ANKRD31: variants seen among roughly 807,000 people sequenced by gnomAD.
ANKRD31 encodes the protein ankyrin repeat domain-containing protein 31.
Under a neutral mutation model 186.0 loss-of-function variants are expected in ANKRD31, and 147 were observed. The ratio of observed to expected loss-of-function variants is 0.79; its 90% CI spans 0.69 to 0.91. The LOEUF (loss-of-function observed/expected upper bound fraction) is 0.91. ANKRD31 is among the 40% of genes least tolerant of loss of function. The pLI is 0.00. For missense variants in ANKRD31, 1,986 were observed against 2,148.8 expected (o/e 0.92, Z 1.50); for synonymous variants, 673 against 736.4 (o/e 0.91, Z 1.39).
At chr5:75,174,430 G>A (rs1332732753) in intron 10 of ANKRD31, among the ~76,000 whole-genome samples, 1 of 151,166 alleles carries the variant, frequency 6.6e-6, no homozygotes, top group Non-Finnish European at 1.5e-5. Flanking sequence ...TACCATCAGA[G>A]TGAACAGTGA....
chr5:75,230,244 T>C (rs1757869891), intron 2 of ANKRD31, among the ~76,000 whole-genome samples: 2 of 152,182 alleles, frequency 1.3e-5, no homozygotes, highest in African/African-American at 4.8e-5. Flanking sequence ...CACTCAACCC[T>C]GAAGTGGAAT....
At chr5:75,134,194 A>G (rs57060629) in intron 17 of ANKRD31, among the ~76,000 whole-genome samples, 1 of 152,150 alleles carries the variant, frequency 6.6e-6, no homozygotes, top group African/African-American at 2.4e-5. Context: ...TAGAGACACA[A>G]AAAACCCTTC....
chr5:75,076,378 A>ACAGAACT (rs1436609810), intron 25 of ANKRD31, among the ~76,000 whole-genome samples: 1 of 152,144 alleles, frequency 6.6e-6, no homozygotes, highest in Admixed American at 6.5e-5. Context: ...AGAATGACTC[A>ACAGAACT]CAGAACTCAG....
intron 4 of ANKRD31, among the ~76,000 whole-genome samples, chr5:75,209,584 C>T (rs1051245307): frequency 6.6e-6 from 1 of 151,940 alleles, no homozygotes; most frequent in Non-Finnish European, 1.5e-5. Context: ...GGCTGAGGCA[C>T]AAGAATTGCT....
intron 22 of ANKRD31, among the ~76,000 whole-genome samples, chr5:75,095,185 C>A (rs1219972041): frequency 2.0e-5 from 3 of 151,992 alleles, no homozygotes; most frequent in Admixed American, 6.6e-5. Context: ...ATAAAAAATT[C>A]TTGGCCGGGC....
intron 17 of ANKRD31, among the ~76,000 whole-genome samples, chr5:75,135,019 AAAT>A (rs1750445244): frequency 6.6e-6 from 1 of 152,172 alleles, no homozygotes; most frequent in Admixed American, 6.5e-5. Flanking sequence ...ACGTATCTCA[AAAT>A]AATAAGAGCT....
intron 22 of ANKRD31, among the ~76,000 whole-genome samples, chr5:75,094,821 T>C (rs182780648): frequency 4.3e-4 from 65 of 151,968 alleles, no homozygotes; most frequent in Middle Eastern, 3.4e-3. Flanking sequence ...GACAAGTAAA[T>C]TTAAAGTAAG....
At chr5:75,105,933 C>T (rs909745939) in intron 21 of ANKRD31, among the ~76,000 whole-genome samples, 5 of 152,008 alleles carry the variant, frequency 3.3e-5, no homozygotes, top group African/African-American at 1.2e-4. Flanking sequence ...TTGATTATGC[C>T]CACCAATCCC....
intron 10 of ANKRD31, among the ~76,000 whole-genome samples, chr5:75,185,878 T>C (rs183667506): frequency 6.6e-6 from 1 of 151,836 alleles, no homozygotes; most frequent in African/African-American, 2.4e-5. Context: ...CCATTAAAAG[T>C]AAAAAATGGT....
At chr5:75,139,999 G>T (rs963816959) in intron 15 of ANKRD31, among the ~76,000 whole-genome samples, 1 of 151,900 alleles carries the variant, frequency 6.6e-6, no homozygotes, top group African/African-American at 2.4e-5. Context: ...ACTGCATCAG[G>T]GCCAGGCACG....
chr5:75,173,187 GC>G (rs1459240816), intron 10 of ANKRD31, among the ~76,000 whole-genome samples: 1 of 152,018 alleles, frequency 6.6e-6, no homozygotes, highest in Non-Finnish European at 1.5e-5. Flanking sequence ...AAATTCAACA[GC>G]CCTTCATGCT....
intron 3 of ANKRD31, among the ~76,000 whole-genome samples, chr5:75,221,910 A>C (rs1757327474): frequency 6.6e-6 from 1 of 152,206 alleles, no homozygotes. Flanking sequence ...TGTATTGACT[A>C]TCAATAAGGC....
intron 7 of ANKRD31, among the ~76,000 whole-genome samples, chr5:75,194,288 T>C (rs1204289801): frequency 6.6e-6 from 1 of 152,154 alleles, no homozygotes; most frequent in Admixed American, 6.6e-5. Context: ...GGGTTTATTT[T>C]TTTTCCTTTC....
intron 1 of ANKRD31, among the ~76,000 whole-genome samples, chr5:75,233,237 AT>A (rs1299923387): frequency 4.0e-5 from 6 of 151,548 alleles, no homozygotes; most frequent in Non-Finnish European, 5.9e-5. Context: ...TAATTTTTGT[AT>A]TTTTAATAGA....
At chr5:75,190,767 A>G (rs1451562205) in intron 9 of ANKRD31, among the ~76,000 whole-genome samples, 2 of 152,038 alleles carry the variant, frequency 1.3e-5, no homozygotes. Context: ...TATTTAATGT[A>G]TACAATTCAA....
chr5:75,143,714 C>T (rs778968865), intron 15 of ANKRD31, among the ~76,000 whole-genome samples: 28 of 152,216 alleles, frequency 1.8e-4, no homozygotes, highest in Non-Finnish European at 2.8e-4. Context: ...ATACATTTCA[C>T]GCCTGCTGTC....
At chr5:75,192,469 T>G (rs1050630470) in intron 9 of ANKRD31, among the ~76,000 whole-genome samples, 198 bp downstream of exon 9, 1 of 152,164 alleles carries the variant, frequency 6.6e-6, no homozygotes, top group Non-Finnish European at 1.5e-5. Context: ...AAAGTACTAA[T>G]CTATGAGTCA....
chr5:75,175,586 C>CAT (rs1753723764), intron 10 of ANKRD31, among the ~76,000 whole-genome samples: 1 of 151,784 alleles, frequency 6.6e-6, no homozygotes, highest in Non-Finnish European at 1.5e-5. Context: ...TATCTGTCAA[C>CAT]ATTCATCAAA....
At chr5:75,083,511 C>G (rs1745237519) in intron 24 of ANKRD31, among the ~76,000 whole-genome samples, 1 of 152,014 alleles carries the variant, frequency 6.6e-6, no homozygotes, top group African/African-American at 2.4e-5. Context: ...GGCAGATCAC[C>G]TGAGGTCAGG....
Sources: gnomAD v4.1 joint callset for allele counts (sites outside exome capture counted in the v4.1 genomes callset) on GRCh38, gnomAD v4.1.1 for gene constraint, MANE v1.5 for transcripts, NCBI Gene and HGNC (gene_info 2026-07-23, HGNC 2026-07-21) for gene names.